Variants in RIN3 observed in about 807,000 individuals in gnomAD.
RIN3 encodes RAB5 interacting protein 3.
RIN3 carries 54 observed loss-of-function variants against 76.3 expected under a neutral mutation model. The ratio of observed to expected loss-of-function variants is 0.71; its 90% CI spans 0.57 to 0.89. RIN3 has a LOEUF of 0.89. Ranked by LOEUF, RIN3 falls within the 40% of genes least tolerant of loss-of-function variation. The pLI is 0.00. For synonymous variants in RIN3, 576 were observed against 564.0 expected, an observed-to-expected ratio of 1.02 and a Z score of -0.30; for missense variants, 1,256 against 1,322.1, an observed-to-expected ratio of 0.95 and a Z score of 0.78.
rs1888647152 is a variant in RIN3, at chr14:92,681,144, A to G, written c.2468-3843A>G. ...TCCCTAGTCTGCCTGACAGCTGGCC[A>G]TGCCGGGCTGGTGTCTTTCCAGGGG... On this transcript the variant is annotated intron_variant, in intron 8 of 9. Transcript: ENST00000216487. This position sits in a 1 kb window ranked among gnomAD's most constrained non-coding sequence, Gnocchi z 4.7. Among the ~76,000 whole-genome samples the G allele has an allele frequency of 6.6e-6, 1 of 152,200 alleles. No homozygotes were observed. The highest frequency in any genetic ancestry group is 1.5e-5 in the Non-Finnish European group (1 of 68,032).
chr14:92,576,166 G>A, intron 2 of RIN3: 1 of 1,195,852 alleles, frequency 8.4e-7, no homozygotes, highest in Non-Finnish European at 1.1e-6. Flanking sequence ...AGGAGGCTGG[G>A]GAGATTCCAG....
chr14:92,551,557 G>A (rs548829834), intron 1 of RIN3, among the ~76,000 whole-genome samples: 12 of 152,210 alleles, frequency 7.9e-5, no homozygotes, highest in East Asian at 3.9e-4. Flanking sequence ...TCCAATGTTC[G>A]TTCTCCCCAA....
chr14:92,546,494 G>A (rs1181242303), intron 1 of RIN3, among the ~76,000 whole-genome samples: 1 of 152,168 alleles, frequency 6.6e-6, no homozygotes, highest in East Asian at 1.9e-4. Context: ...AGGGTGGACT[G>A]AGTCACAGCT....
intron 3 of RIN3, among the ~76,000 whole-genome samples, chr14:92,578,051 G>A (rs944314640): frequency 2.0e-5 from 3 of 151,996 alleles, no homozygotes; most frequent in Admixed American, 6.6e-5. Context: ...ACTAGCCTGG[G>A]CAACATAGAA....
intron 1 of RIN3, among the ~76,000 whole-genome samples, chr14:92,549,392 C>T (rs549117941): frequency 2.6e-5 from 4 of 152,278 alleles, no homozygotes; most frequent in East Asian, 1.9e-4. Context: ...AGCCCAAAGC[C>T]GGAACCCTGT....
chr14:92,561,044 A>AAAAAATATATATATATATATATATATAT (rs1555383856), intron 2 of RIN3, among the ~76,000 whole-genome samples: 3 of 24,378 alleles, frequency 1.2e-4, no homozygotes, highest in Non-Finnish European at 1.6e-4. Flanking sequence ...AAAAAAAAAA[A>AAAAAATATATATATATATATATATATAT]ATATATATAT....
At chr14:92,642,389 G>A (rs1410813450) in intron 5 of RIN3, among the ~76,000 whole-genome samples, 1 of 152,104 alleles carries the variant, frequency 6.6e-6, no homozygotes, top group African/African-American at 2.4e-5. Flanking sequence ...GAGCCACTGC[G>A]CCCGGCCCTG....
chr14:92,563,641 G>C (rs182920620), intron 2 of RIN3, among the ~76,000 whole-genome samples: 9 of 151,116 alleles, frequency 6.0e-5, no homozygotes, highest in African/African-American at 2.2e-4. Flanking sequence ...AAAAAAAACA[G>C]TGTCTTGGCC....
At chr14:92,540,981 AAC>A (rs1566833554) in intron 1 of RIN3, among the ~76,000 whole-genome samples, 1 of 152,220 alleles carries the variant, frequency 6.6e-6, no homozygotes, top group Non-Finnish European at 1.5e-5. Context: ...CCTTCAACAT[AAC>A]AGTCTAGGCA....
intron 1 of RIN3, among the ~76,000 whole-genome samples, chr14:92,531,032 T>C (rs2067658846): frequency 6.6e-6 from 1 of 152,180 alleles, no homozygotes; most frequent in Non-Finnish European, 1.5e-5. Context: ...GTGCCTGTCA[T>C]GCCTCAGGAC....
intron 3 of RIN3, among the ~76,000 whole-genome samples, chr14:92,600,055 G>A (rs1885290787): frequency 6.6e-6 from 1 of 152,174 alleles, no homozygotes; most frequent in Non-Finnish European, 1.5e-5. Context: ...CCAGTTCTAT[G>A]CCTGTGGTGG....
At chr14:92,544,069 C>G (rs569827328) in intron 1 of RIN3, among the ~76,000 whole-genome samples, 5 of 152,240 alleles carry the variant, frequency 3.3e-5, no homozygotes, top group Admixed American at 6.5e-5. Context: ...CAGCTGTGGG[C>G]TGGGTTCTTT....
At chr14:92,559,514 A>G (rs1255584802) in intron 2 of RIN3, among the ~76,000 whole-genome samples, 2 of 152,214 alleles carry the variant, frequency 1.3e-5, no homozygotes, top group African/African-American at 4.8e-5. Context: ...GTGAGATACA[A>G]TCTTACCACT....
rs570533019 is a variant in RIN3 at position 92,659,296 on chromosome 14, C to T, written c.2162C>T (p.Ala721Val). Residue 721 changes from alanine (A) to valine (V), a missense_variant, in exon 7 of 10, where the codon GCC becomes GTC. Ala to Val is a moderately conservative substitution (Grantham distance 64). Transcript: ENST00000216487. ...AAGGAGAACCAGTTAGTGATCCTGG[C>T]CACCACCACCACTGACCTAGGTGTG... ...QLKENQLVIL[A>V]TTTTDLGVTT... The T allele has an allele frequency of 5.6e-6, 9 of 1,612,934 alleles. No homozygotes were observed. The highest frequency in any genetic ancestry group is 7.6e-6 in the Non-Finnish European group (9 of 1,179,396).
Position 92,652,732 on chromosome 14 carries a change from G to A in RIN3, c.1683G>A (p.Gln561=). The stretch of plus-strand genomic sequence containing the variant: ...GCAGCACGGAGGAGGAGCTGGAGCA[G>A]TTCAGCAGCCCCAGCGTGAAGAAGA... ...STSSTEEELE[Q]FSSPSVKKKP... The change falls in exon 6 of 10, where the codon CAG becomes CAA. Residue 561 remains glutamine (Q), a synonymous_variant. Coordinates refer to ENST00000216487, the MANE Select transcript of RIN3 (RefSeq NM_024832.5). This position sits in a 1 kb window ranked among gnomAD's most constrained non-coding sequence, Gnocchi z 6.4. The A allele has an allele frequency of 1.2e-6, 2 of 1,613,816 alleles. No individual in the cohort carries two copies. The highest frequency in any genetic ancestry group is 1.7e-6 in the Non-Finnish European group (2 of 1,180,034).
Position 92,540,555 on chromosome 14 carries a change from A to G in RIN3, c.45-15196A>G, listed in dbSNP as rs28454981. 7.3e-3 allele frequency among the ~76,000 whole-genome samples: 1,111 copies of G among 152,292 alleles called. 16 individuals carry two copies. The highest frequency in any genetic ancestry group is 0.025 in the African/African-American group (1,052 of 41,566). ...GAGAGATCCTAGTTCTGAAACTGCT[A>G]CTTCTCTTCCATCCCCACGGGACCT... is the stretch of plus-strand genomic sequence containing the variant. On this transcript the variant is annotated intron_variant, in intron 1 of 9. Transcript: ENST00000216487.
At chr14:92,517,536 G>A (rs1482007799) in intron 1 of RIN3, among the ~76,000 whole-genome samples, 2 of 152,130 alleles carry the variant, frequency 1.3e-5, no homozygotes, top group Non-Finnish European at 2.9e-5. Flanking sequence ...GATCCTATTA[G>A]GGAGTAACCT....
chr14:92,667,240 C>T (rs769481911), intron 7 of RIN3, among the ~76,000 whole-genome samples: 4 of 152,112 alleles, frequency 2.6e-5, no homozygotes, highest in African/African-American at 4.8e-5. Context: ...GGGCTAGGCA[C>T]GGTGGCTCAC....
chr14:92,684,765 T>C lies in RIN3; in HGVS notation c.2468-222T>C, dbSNP rs114348321. Reference sequence around the variant, plus strand: ...CCCCAAGGGGAGCCAGTGAAAAGTTTTGAGCAGGGCCCAGACAGCTCAGGG... The same window carrying C: ...CCCCAAGGGGAGCCAGTGAAAAGTTCTGAGCAGGGCCCAGACAGCTCAGGG... On this transcript the variant is annotated intron_variant, in intron 8 of 9. Transcript: ENST00000216487. 7.6e-3 allele frequency among the ~76,000 whole-genome samples: 1,150 copies of C among 152,310 alleles called. 19 individuals are homozygous for C. Among genetic ancestry groups the C allele is most frequent in the African/African-American group, 0.026 (1,097 of 41,566 alleles).
Sources: gnomAD v4.1 joint callset for allele counts (sites outside exome capture counted in the v4.1 genomes callset) on GRCh38, gnomAD v4.1.1 for gene constraint, Gnocchi (gnomAD v3.1) non-coding constraint, MANE v1.5 for transcripts, NCBI Gene and HGNC (gene_info 2026-07-23, HGNC 2026-07-21) for gene names.